Variants in CCDC91 observed in about 807,000 individuals in gnomAD.
CCDC91 encodes the protein coiled-coil domain-containing protein 91.
In CCDC91, 48 loss-of-function variants were observed where a neutral mutation model predicts 63.2. The ratio of observed to expected loss-of-function variants is 0.76; its 90% CI spans 0.60 to 0.97. The LOEUF is 0.97. Ranked by LOEUF, CCDC91 falls within the 50% of genes least tolerant of loss-of-function variation. The pLI, the probability that CCDC91 is intolerant of heterozygous loss-of-function variation, is 0.00. For synonymous variants in CCDC91, 167 were observed against 165.8 expected (o/e 1.01, Z -0.06); for missense variants, 500 against 494.6 (o/e 1.01, Z -0.10).
Position 28,497,865 on chromosome 12 carries a change from G to A in CCDC91, c.1215+13700G>A, listed in dbSNP as rs116271316. ...CCTTTGTAGTTTAGAGTACTTATTCGTTTAAGCTTTAGTGTGACTATAATG... is the reference window on the plus strand; with the variant it reads ...CCTTTGTAGTTTAGAGTACTTATTCATTTAAGCTTTAGTGTGACTATAATG... On this transcript the variant is annotated intron_variant, in intron 12 of 12. Coordinates refer to ENST00000536442, the MANE Select transcript of CCDC91 (RefSeq NM_018318.5). Among the ~76,000 whole-genome samples, 478 of 151,508 alleles carry A rather than the reference G, an allele frequency of 3.2e-3. 1 individual carries two copies. Among genetic ancestry groups the A allele is most frequent in the African/African-American group, 0.01 (434 of 41,424 alleles).
chr12:28,452,360 T>C, intron 10 of CCDC91, 118 bp from the exon 11 acceptor site: 1 of 577,326 alleles, frequency 1.7e-6, no homozygotes, highest in South Asian at 2.6e-5. Flanking sequence ...AAAACAGCAA[T>C]GTTAGAACTA....
At chr12:28,441,096 G>GAA (rs1371556033) in intron 8 of CCDC91, among the ~76,000 whole-genome samples, 7 of 106,436 alleles carry the variant, frequency 6.6e-5, no homozygotes, top group African/African-American at 2.1e-4. Flanking sequence ...AAAAGAAAAA[G>GAA]AAAGAACTTA....
chr12:28,549,493 A>G lies in CCDC91; in HGVS notation c.*320A>G, dbSNP rs61650602. 14,028 of 166,858 alleles carry G rather than the reference A, an allele frequency of 0.084. 1,936 individuals carry two copies. The highest frequency in any genetic ancestry group is 0.3 in the African/African-American group (12,668 of 41,994). The allele number at this position is 166,858 out of a possible 1,614,324, so 10.3% of individuals were successfully genotyped here. ...TTTATAGCCTGTGGGAGTCTATTAT[A>G]TATTATTTTGCAAAAGTAGTAAATA... On this transcript the variant is annotated 3_prime_UTR_variant, in exon 13 of 13. Transcript: ENST00000536442.
intron 3 of CCDC91, among the ~76,000 whole-genome samples, chr12:28,281,317 C>T (rs753703604): frequency 9.2e-5 from 14 of 152,106 alleles, no homozygotes; most frequent in Non-Finnish European, 1.8e-4. Flanking sequence ...GCTGACTAGA[C>T]AAGTCTGAAA....
intron 3 of CCDC91, among the ~76,000 whole-genome samples, chr12:28,283,684 C>A (rs2136627234): frequency 6.6e-6 from 1 of 151,788 alleles, no homozygotes; most frequent in Non-Finnish European, 1.5e-5. Context: ...GGGATGAGAC[C>A]CAAGTGTAAA....
chr12:28,296,046 T>G (rs560169590), intron 3 of CCDC91, among the ~76,000 whole-genome samples: 56 of 151,968 alleles, frequency 3.7e-4, no homozygotes, highest in Non-Finnish European at 6.8e-4. Context: ...TTTACTTCAT[T>G]AGTTTATTTC....
intron 2 of CCDC91, among the ~76,000 whole-genome samples, chr12:28,257,611 A>G (rs1946537653): frequency 6.6e-6 from 1 of 152,126 alleles, no homozygotes; most frequent in Non-Finnish European, 1.5e-5. Context: ...ATCCTGTCAC[A>G]TATTTGCATG....
At chr12:28,326,642 T>C (rs1941035919) in intron 6 of CCDC91, among the ~76,000 whole-genome samples, 1 of 147,614 alleles carries the variant, frequency 6.8e-6, no homozygotes, top group South Asian at 2.1e-4. Flanking sequence ...TGAGTGAGAA[T>C]ATGCAGTGTT....
intron 1 of CCDC91, among the ~76,000 whole-genome samples, chr12:28,238,933 A>G (rs1270970144): frequency 1.3e-5 from 2 of 152,048 alleles, no homozygotes; most frequent in Non-Finnish European, 2.9e-5. Flanking sequence ...CATCCTGGCC[A>G]AAATGGTGAA....
chr12:28,436,377 A>T (rs1190031388), intron 8 of CCDC91, among the ~76,000 whole-genome samples: 1 of 151,778 alleles, frequency 6.6e-6, no homozygotes, highest in Non-Finnish European at 1.5e-5. Flanking sequence ...AATCCTTATA[A>T]TAACATAATG....
chr12:28,354,431 T>C (rs1250410201), intron 6 of CCDC91, among the ~76,000 whole-genome samples: 2 of 152,134 alleles, frequency 1.3e-5, no homozygotes, highest in East Asian at 3.8e-4. Flanking sequence ...CTTAACTAAT[T>C]GTATCTACAA....
chr12:28,289,506 G>A (rs940349300), intron 3 of CCDC91, among the ~76,000 whole-genome samples: 2 of 151,736 alleles, frequency 1.3e-5, no homozygotes, highest in African/African-American at 4.8e-5. Context: ...TTTTTTCTTA[G>A]TTTTGAATTC....
At chr12:28,228,154 T>C (rs1179253220) in intron 1 of CCDC91, among the ~76,000 whole-genome samples, 1 of 152,064 alleles carries the variant, frequency 6.6e-6, no homozygotes, top group Non-Finnish European at 1.5e-5. Flanking sequence ...CAATTCCGCA[T>C]TATTTGTGGT....
intron 3 of CCDC91, among the ~76,000 whole-genome samples, chr12:28,285,555 G>C (rs1464065769): frequency 6.6e-6 from 1 of 151,718 alleles, no homozygotes; most frequent in East Asian, 1.9e-4. Flanking sequence ...TAAATAAATC[G>C]AGTTTAATGA....
In CCDC91 at chr12:28,450,142, T is replaced by G. The variant is rs1437620702; in HGVS notation, c.763-19T>G. The G allele has an allele frequency of 1.4e-6, 2 of 1,427,416 alleles. No individual in the cohort carries two copies. Among genetic ancestry groups the G allele is most frequent in the African/African-American group, 1.5e-5 (1 of 68,560 alleles). 88.4% of individuals were successfully genotyped at this position (1,427,416 alleles called of 1,614,324 possible). On this transcript the variant is annotated intron_variant, in intron 8 of 12. Coordinates refer to ENST00000536442, the MANE Select transcript of CCDC91 (RefSeq NM_018318.5). ...CCTGTCTCAGAGCCATAATATAATT[T>G]GCTTATCATTCCTTGTAGCATCAGA...
chr12:28,452,883 TTTTAC>T (rs1337423190), intron 11 of CCDC91, among the ~76,000 whole-genome samples: 3 of 151,866 alleles, frequency 2.0e-5, no homozygotes, highest in African/African-American at 7.2e-5. Context: ...CATTTTACCC[TTTTAC>T]TTTATTTTCT....
chr12:28,495,426 C>A (rs1377229123), intron 12 of CCDC91, among the ~76,000 whole-genome samples: 1 of 151,738 alleles, frequency 6.6e-6, no homozygotes, highest in South Asian at 2.1e-4. Flanking sequence ...GATGTCCCTG[C>A]AGGTCAGAGC....
chr12:28,218,231 T>C (rs1318643217), intron 1 of CCDC91, among the ~76,000 whole-genome samples: 1 of 152,186 alleles, frequency 6.6e-6, no homozygotes, highest in East Asian at 1.9e-4. Context: ...CTCTGGGCTT[T>C]CAAGGGAATG....
At chr12:28,498,613 A>G (rs1344474789) in intron 12 of CCDC91, among the ~76,000 whole-genome samples, 2 of 151,694 alleles carry the variant, frequency 1.3e-5, no homozygotes, top group Non-Finnish European at 3.0e-5. Context: ...TATTTGATCA[A>G]TAATTATTTA....
Sources: gnomAD v4.1 joint callset for allele counts (sites outside exome capture counted in the v4.1 genomes callset) on GRCh38, gnomAD v4.1.1 for gene constraint, MANE v1.5 for transcripts, NCBI Gene and HGNC (gene_info 2026-07-23, HGNC 2026-07-21) for gene names.